Variants in ARRB1 observed in about 807,000 individuals in gnomAD.
ARRB1 encodes the protein arrestin beta 1.
In ARRB1, 21 loss-of-function variants were observed where a neutral mutation model predicts 56.8. The ratio of observed to expected loss-of-function variants is 0.37; its 90% confidence interval spans 0.26 to 0.53. The LOEUF (loss-of-function observed/expected upper bound fraction) is 0.53, where lower values mean the gene tolerates loss of function less well. Among genes scored for constraint, ARRB1 ranks in the 20% least tolerant of loss-of-function variants. The probability of loss-of-function intolerance (pLI) is 0.88; values close to 1 mark genes in which losing one functional copy is unlikely to be tolerated. For missense variants in ARRB1, 424 were observed against 553.7 expected (o/e 0.77, Z 2.35); for synonymous variants, 210 against 218.6 (o/e 0.96, Z 0.35).
At chr11:75,275,386 A>G (rs1428590192) in intron 10 of ARRB1, among the ~76,000 whole-genome samples, 2 of 152,004 alleles carry the variant, frequency 1.3e-5, no homozygotes, top group Admixed American at 1.3e-4. Flanking sequence ...ACCTCAAGTG[A>G]TCTGCCTGCC....
intron 1 of ARRB1, among the ~76,000 whole-genome samples, chr11:75,324,451 C>T (rs879784663): frequency 9.2e-5 from 14 of 152,188 alleles, no homozygotes; most frequent in Non-Finnish European, 1.8e-4. Context: ...TGAGGTCTGG[C>T]CCCACTCCAT....
intron 1 of ARRB1, among the ~76,000 whole-genome samples, chr11:75,324,112 G>T (rs1022006674): frequency 6.6e-5 from 10 of 152,190 alleles, no homozygotes; most frequent in Non-Finnish European, 1.2e-4. Context: ...TGAAATTCTG[G>T]ATGATTGCTC....
At chr11:75,333,604 A>T (rs1947553525) in intron 1 of ARRB1, among the ~76,000 whole-genome samples, 1 of 152,194 alleles carries the variant, frequency 6.6e-6, no homozygotes, top group South Asian at 2.1e-4. Context: ...GTGTTAAGCC[A>T]TGCATTATCT....
chr11:75,291,048 A>G (rs1292071746), intron 1 of ARRB1, among the ~76,000 whole-genome samples: 2 of 152,226 alleles, frequency 1.3e-5, no homozygotes, highest in Non-Finnish European at 2.9e-5. Flanking sequence ...CAGCACTGCA[A>G]TCATTGTTTA....
At chr11:75,349,503 A>G (rs923555946) in intron 1 of ARRB1, among the ~76,000 whole-genome samples, 6 of 152,308 alleles carry the variant, frequency 3.9e-5, no homozygotes, top group Admixed American at 1.3e-4. Context: ...CTTCCTGACA[A>G]TCATGTCAGC....
intron 8 of ARRB1, among the ~76,000 whole-genome samples, chr11:75,278,205 T>G (rs929079971): frequency 6.6e-6 from 1 of 152,212 alleles, no homozygotes; most frequent in African/African-American, 2.4e-5. Context: ...GGGGAGGCCC[T>G]TCCTTCTGCA....
intron 3 of ARRB1, among the ~76,000 whole-genome samples, chr11:75,286,255 CTTTTTTTTTTTTTTT>C (rs60988072): frequency 2.3e-4 from 9 of 38,736 alleles, no homozygotes; most frequent in South Asian, 1.6e-3. Context: ...ATTTGCTCAT[CTTTTTTTTTTTTTTT>C]TTTTTTTTTT....
chr11:75,290,468 G>A (rs1047478436), intron 1 of ARRB1, among the ~76,000 whole-genome samples: 2 of 152,020 alleles, frequency 1.3e-5, no homozygotes, highest in Non-Finnish European at 2.9e-5. Flanking sequence ...TTCCCACCTC[G>A]GGGACAGTTC....
chr11:75,321,821 A>C (rs1024867740), intron 1 of ARRB1, among the ~76,000 whole-genome samples: 11 of 152,214 alleles, frequency 7.2e-5, no homozygotes, highest in Admixed American at 7.2e-4. Context: ...TGTGTGTCAG[A>C]TGCTGTTGGC....
chr11:75,325,193 T>C (rs1947411697), intron 1 of ARRB1, among the ~76,000 whole-genome samples: 1 of 152,036 alleles, frequency 6.6e-6, no homozygotes, highest in South Asian at 2.1e-4. Flanking sequence ...ATTGTTTTTG[T>C]CCAGGAGAAG....
chr11:75,315,588 G>A (rs143584819), intron 1 of ARRB1, among the ~76,000 whole-genome samples: 1 of 152,248 alleles, frequency 6.6e-6, no homozygotes, highest in African/African-American at 2.4e-5. Flanking sequence ...GTTATTTCCT[G>A]GGTTTTGCTG....
In ARRB1 at chr11:75,282,021, T is replaced by C. The variant is rs757976911; in HGVS notation, c.355A>G (p.Ile119Val). The change falls in exon 6 of 16, where the codon ATC (isoleucine) becomes GTC (valine). Residue 119 changes from isoleucine (I) to valine (V), a missense_variant and splice_region_variant. Ile to Val is a conservative substitution (Grantham distance 29, BLOSUM62 3). This residue lies in a region of ARRB1 where 301 missense variants were observed against 387.9 expected (regional missense o/e 0.78). Coordinates refer to ENST00000420843, the MANE Select transcript of ARRB1 (RefSeq NM_004041.5). ...ACAGAACATGGAAGGTTTGGAGGGA[T>C]CTGTCAAGAAGAGGACAGAACGAGC... ...GEHAYPFTFE[I>V]PPNLPCSVTL... 1.9e-6 allele frequency: 3 copies of C among 1,613,882 alleles called. No homozygotes were observed. Among genetic ancestry groups the C allele is most frequent in the Non-Finnish European group, 8.5e-7 (1 of 1,179,984 alleles).
chr11:75,271,490 G>C, intron 13 of ARRB1: 1 of 541,160 alleles, frequency 1.8e-6, no homozygotes, highest in Non-Finnish European at 3.3e-6. Flanking sequence ...TTTGCTCTCT[G>C]TAAAGATCCC....
chr11:75,296,215 A>G (rs1946746419), intron 1 of ARRB1, among the ~76,000 whole-genome samples: 1 of 148,616 alleles, frequency 6.7e-6, no homozygotes, highest in Admixed American at 6.7e-5. Flanking sequence ...AAAGAGTATT[A>G]TTTAGCAAAA....
intron 1 of ARRB1, among the ~76,000 whole-genome samples, chr11:75,343,650 T>C (rs1001088175): frequency 1.3e-5 from 2 of 152,178 alleles, no homozygotes; most frequent in Non-Finnish European, 2.9e-5. Flanking sequence ...GTGTCAGAGC[T>C]GGGACTGGAA....
At chr11:75,307,079 T>C (rs752962676) in intron 1 of ARRB1, among the ~76,000 whole-genome samples, 1 of 152,276 alleles carries the variant, frequency 6.6e-6, no homozygotes, top group East Asian at 1.9e-4. Flanking sequence ...AAGGCTTCTA[T>C]GTCACCCTCA....
At chr11:75,288,863 G>T (rs138633653) in intron 2 of ARRB1, among the ~76,000 whole-genome samples, 1 of 152,164 alleles carries the variant, frequency 6.6e-6, no homozygotes, top group Non-Finnish European at 1.5e-5. Flanking sequence ...AAAGTGCTGG[G>T]ATTATAGGCG....
At chr11:75,294,320 G>T (rs1219197446) in intron 1 of ARRB1, among the ~76,000 whole-genome samples, 1 of 152,060 alleles carries the variant, frequency 6.6e-6, no homozygotes, top group Admixed American at 6.6e-5. Flanking sequence ...TGTAATCCCA[G>T]CCGAGGTGGG....
At chr11:75,350,084 C>G (rs1486092848) in intron 1 of ARRB1, among the ~76,000 whole-genome samples, 2 of 152,252 alleles carry the variant, frequency 1.3e-5, no homozygotes, top group African/African-American at 4.8e-5. Context: ...AAAGTAGTTT[C>G]TAAACATTAA....
Sources: allele counts gnomAD v4.1 joint callset (sites outside exome capture counted in the v4.1 genomes callset), GRCh38; gene constraint gnomAD v4.1.1; regional missense constraint gnomAD v4.1.1; transcripts MANE v1.5; gene names NCBI Gene and HGNC (gene_info 2026-07-23, HGNC 2026-07-21).